The following AMMECR1 variants were observed in gnomAD, a reference collection of about 807,000 sequenced individuals.
The protein encoded by AMMECR1 is nuclear protein AMMECR1.
Under a neutral mutation model 22.5 loss-of-function variants are expected in AMMECR1, and 3 were observed. The observed-to-expected ratio is 0.13, with a 90% CI of 0.06 to 0.35. The LOEUF is 0.35. AMMECR1 is among the 10% of genes least tolerant of loss of function. AMMECR1 has a pLI of 1.00. For missense variants in AMMECR1, 235 were observed against 278.7 expected, an observed-to-expected ratio of 0.84 and a Z score of 1.12; for synonymous variants, 130 against 116.7, an observed-to-expected ratio of 1.11 and a Z score of -0.74.
chrX:110,226,611 CA>C lies in AMMECR1; in HGVS notation c.585-9980del, dbSNP rs1309894720. ...AACAAAGTGAGACTCCATCTCAAAACAAAAACAAAAACAAAGAAACAAAAAC... is the reference window on the plus strand; with the variant it reads ...AACAAAGTGAGACTCCATCTCAAAACAAAACAAAAACAAAGAAACAAAAAC... On this transcript the variant is annotated intron_variant, in intron 2 of 5. Coordinates refer to ENST00000262844, the MANE Select transcript of AMMECR1 (RefSeq NM_015365.3). 3.6e-5 allele frequency among the ~76,000 whole-genome samples: 4 copies of C among 110,571 alleles called. No individual in the cohort carries two copies. In the Admixed American group the frequency reaches 3.8e-4, roughly 11 times the overall value.
rs775594347 is a variant in AMMECR1, at chrX:110,235,946, G to T, written c.585-19314C>A. Among the ~76,000 whole-genome samples, 3 of 107,486 alleles carry T rather than the reference G, an allele frequency of 2.8e-5. No homozygotes were observed. In the South Asian group the frequency reaches 1.2e-3, roughly 44 times the overall value. The allele number at this position is 107,486 out of a possible 115,157, so 93.3% of individuals were successfully genotyped here. On this transcript the variant is annotated intron_variant, in intron 2 of 5. Coordinates refer to ENST00000262844, the MANE Select transcript of AMMECR1 (RefSeq NM_015365.3). ...CTGCACGTTGTGCAGACGTACCCTA[G>T]AACTTAAAGTATAATAAAAAAAAAA... is the stretch of plus-strand genomic sequence containing the variant.
intron 2 of AMMECR1, among the ~76,000 whole-genome samples, chrX:110,368,691 T>G (rs2068315433): frequency 8.9e-6 from 1 of 112,444 alleles, no homozygotes; most frequent in Non-Finnish European, 1.9e-5. Context: ...TTTGTTTGTT[T>G]ACTGTCTATC....
At chrX:110,416,104 A>G (rs1236993107) in intron 2 of AMMECR1, among the ~76,000 whole-genome samples, 1 of 110,429 alleles carries the variant, frequency 9.1e-6, no homozygotes, top group Non-Finnish European at 1.9e-5. Context: ...TGTGTTCTGG[A>G]CTTTGGAGAT....
chrX:110,294,355 G>A (rs1194458829), intron 1 of AMMECR1, among the ~76,000 whole-genome samples: 1 of 111,908 alleles, frequency 8.9e-6, no homozygotes, highest in Non-Finnish European at 1.9e-5. Flanking sequence ...AAACTGCTAA[G>A]CTACTCTTTT....
intron 1 of AMMECR1, among the ~76,000 whole-genome samples, chrX:110,282,264 A>T (rs992767155): frequency 1.8e-5 from 2 of 110,706 alleles, no homozygotes; most frequent in Non-Finnish European, 3.8e-5. Flanking sequence ...AGAACCTCAG[A>T]TTAAAAAAAA....
chrX:110,408,408 C>A (rs773541989), intron 2 of AMMECR1, among the ~76,000 whole-genome samples: 1 of 112,576 alleles, frequency 8.9e-6, no homozygotes, highest in Admixed American at 9.4e-5. Flanking sequence ...TGTTCTCCAA[C>A]GCCCACGACA....
chrX:110,353,000 G>A (rs1157086479), intron 2 of AMMECR1, among the ~76,000 whole-genome samples: 1 of 112,344 alleles, frequency 8.9e-6, no homozygotes, highest in Non-Finnish European at 1.9e-5. Flanking sequence ...CACAATGCCA[G>A]ACATTGTTGT....
At chrX:110,385,283 T>C (rs763287601) in intron 2 of AMMECR1, among the ~76,000 whole-genome samples, 8 of 111,971 alleles carry the variant, frequency 7.1e-5, no homozygotes, top group Non-Finnish European at 1.5e-4. Flanking sequence ...TAAAAGAATG[T>C]CTGGCACATA....
At chrX:110,286,106 T>C (rs938894936) in intron 1 of AMMECR1, among the ~76,000 whole-genome samples, 8 of 111,926 alleles carry the variant, frequency 7.1e-5, no homozygotes, top group African/African-American at 2.3e-4. Flanking sequence ...AGGAAGTCCT[T>C]ATATGCCTGA....
At chrX:110,246,076 TC>T (rs2067657064) in intron 2 of AMMECR1, among the ~76,000 whole-genome samples, 2 of 112,278 alleles carry the variant, frequency 1.8e-5, no homozygotes, top group Admixed American at 1.9e-4. Context: ...CCATTTCTTT[TC>T]CCCAGGCTAT....
chrX:110,353,871 T>C (rs957658537), intron 2 of AMMECR1, among the ~76,000 whole-genome samples: 16 of 111,699 alleles, frequency 1.4e-4, no homozygotes, highest in Admixed American at 2.9e-4. Context: ...TGTTTCTATA[T>C]ACTAACAATG....
At chrX:110,211,439 A>G (rs1206934491) in intron 3 of AMMECR1, among the ~76,000 whole-genome samples, 1 of 112,258 alleles carries the variant, frequency 8.9e-6, no homozygotes, top group Non-Finnish European at 1.9e-5. Context: ...TCAGATTTTT[A>G]AAAAGGAAAC....
At chrX:110,409,205 G>A (rs924890506) in intron 2 of AMMECR1, among the ~76,000 whole-genome samples, 1 of 110,263 alleles carries the variant, frequency 9.1e-6, no homozygotes, top group African/African-American at 3.3e-5. Flanking sequence ...TTTTTGAGAC[G>A]GGGACTTTTG....
At chrX:110,219,778 T>C (rs2067491648) in intron 2 of AMMECR1, among the ~76,000 whole-genome samples, 1 of 112,334 alleles carries the variant, frequency 8.9e-6, no homozygotes, top group Admixed American at 9.4e-5. Flanking sequence ...AATAGTCTGA[T>C]TTTACAGAGA....
chrX:110,278,873 T>C (rs1374523511), intron 1 of AMMECR1, among the ~76,000 whole-genome samples: 1 of 111,807 alleles, frequency 8.9e-6, no homozygotes, highest in Non-Finnish European at 1.9e-5. Context: ...AAGCAAATTT[T>C]TCTCTAGAGT....
intron 2 of AMMECR1, among the ~76,000 whole-genome samples, chrX:110,261,239 TTGAG>T (rs1251647077): frequency 8.9e-6 from 1 of 111,996 alleles, no homozygotes; most frequent in Non-Finnish European, 1.9e-5. Flanking sequence ...AGAGATATAA[TTGAG>T]TAACATTCTG....
intron 2 of AMMECR1, among the ~76,000 whole-genome samples, chrX:110,218,910 C>T (rs761906661): frequency 7.8e-4 from 87 of 111,432 alleles, no homozygotes; most frequent in Middle Eastern, 4.6e-3. Flanking sequence ...TTGCCTTTAG[C>T]GTCTGGCTTC....
intron 1 of AMMECR1, among the ~76,000 whole-genome samples, chrX:110,302,711 A>G: frequency 9.1e-6 from 1 of 110,411 alleles, no homozygotes; most frequent in Middle Eastern, 4.6e-3. Context: ...CATCTCTACT[A>G]AAAATACAAA....
chrX:110,208,471 A>T (rs2067432179), intron 3 of AMMECR1, among the ~76,000 whole-genome samples: 1 of 111,979 alleles, frequency 8.9e-6, no homozygotes, highest in African/African-American at 3.2e-5. Flanking sequence ...GTCTCCATGA[A>T]CCAATTCTTG....
Sources: gnomAD v4.1 joint callset for allele counts (sites outside exome capture counted in the v4.1 genomes callset) on GRCh38, gnomAD v4.1.1 for gene constraint, MANE v1.5 for transcripts, NCBI Gene and HGNC (gene_info 2026-07-23, HGNC 2026-07-21) for gene names.